The following ACSS3 variants were observed in gnomAD, a reference collection of about 807,000 sequenced individuals.
The protein encoded by ACSS3 is acyl-CoA synthetase short-chain family member 3, mitochondrial.
In ACSS3, 64 loss-of-function variants were observed where a neutral mutation model predicts 84.2. The observed-to-expected ratio is 0.76, with a 90% CI of 0.62 to 0.94. The LOEUF (loss-of-function observed/expected upper bound fraction) is 0.94, where lower values mean the gene tolerates loss of function less well. Among genes scored for constraint, ACSS3 ranks in the 40% least tolerant of loss-of-function variants. The probability of loss-of-function intolerance (pLI) is 0.00; values close to 1 mark genes in which losing one functional copy is unlikely to be tolerated. For missense variants in ACSS3, 815 were observed against 867.6 expected (o/e 0.94, Z 0.76); for synonymous variants, 317 against 310.1 (o/e 1.02, Z -0.23).
intron 1 of ACSS3, among the ~76,000 whole-genome samples, chr12:81,099,206 T>G (rs1046533063): frequency 6.6e-6 from 1 of 152,132 alleles, no homozygotes; most frequent in Non-Finnish European, 1.5e-5. Context: ...TATGTTGGCT[T>G]TGGTTGATTC....
chr12:81,096,606 C>T (rs1317539583), intron 1 of ACSS3, among the ~76,000 whole-genome samples: 8 of 152,220 alleles, frequency 5.3e-5, no homozygotes, highest in African/African-American at 9.6e-5. Context: ...TTTCTCCTAA[C>T]GCTATCCCTC....
intron 9 of ACSS3, among the ~76,000 whole-genome samples, chr12:81,206,464 T>TG (rs2032351687): frequency 6.6e-6 from 1 of 152,142 alleles, no homozygotes; most frequent in Non-Finnish European, 1.5e-5. Context: ...CACAATTTAA[T>TG]GGTCAGAAAT....
chr12:81,238,422 T>C (rs913353494), intron 13 of ACSS3, among the ~76,000 whole-genome samples: 5 of 151,852 alleles, frequency 3.3e-5, no homozygotes, highest in Non-Finnish European at 7.4e-5. Context: ...TTGTAGATAA[T>C]TGGTCTAATT....
rs753775096 is a variant in ACSS3, at chr12:81,078,239, C to T, written c.119C>T (p.Pro40Leu). The T allele has an allele frequency of 1.9e-6, 3 of 1,604,108 alleles. No individual in the cohort carries two copies. Among genetic ancestry groups the T allele is most frequent in the South Asian group, 2.2e-5 (2 of 90,358 alleles). ...GCGGCCCTCAGGGCTTTAGTGGTCC[C>T]GGGCCCGCGGGGCGGTCTCGGGGGC... ...AGAALRALVVPGPRGGLGGRG... is the reference protein window; with the variant it reads ...AGAALRALVVLGPRGGLGGRG... Residue 40 changes from proline to leucine, a missense_variant, in exon 1 of 16, where the codon CCG becomes CTG. Coordinates refer to ENST00000548058, the MANE Select transcript of ACSS3 (RefSeq NM_024560.4).
chr12:81,218,413 G>C (rs924590010), intron 10 of ACSS3, among the ~76,000 whole-genome samples: 2 of 152,068 alleles, frequency 1.3e-5, no homozygotes, highest in Admixed American at 6.6e-5. Context: ...TTTGACTTTT[G>C]CTTCTCTAAC....
intron 9 of ACSS3, among the ~76,000 whole-genome samples, chr12:81,200,617 C>T (rs761358488): frequency 2.6e-5 from 4 of 151,978 alleles, no homozygotes; most frequent in Non-Finnish European, 5.9e-5. Flanking sequence ...TGACTGGGCA[C>T]GGTGGCTCAC....
intron 2 of ACSS3, among the ~76,000 whole-genome samples, chr12:81,111,826 A>G (rs2121514279): frequency 6.6e-6 from 1 of 152,330 alleles, no homozygotes; most frequent in East Asian, 1.9e-4. Context: ...ATTTAATAGT[A>G]GGAACTGGGG....
intron 5 of ACSS3, 33 bp from the exon 6 acceptor site, chr12:81,151,811 T>C: frequency 6.3e-7 from 1 of 1,586,970 alleles, no homozygotes; most frequent in Non-Finnish European, 8.6e-7. Flanking sequence ...ACACATTGTT[T>C]ATTGATTTTA....
chr12:81,133,075 A>T (rs1885605231), intron 2 of ACSS3, among the ~76,000 whole-genome samples: 1 of 151,606 alleles, frequency 6.6e-6, no homozygotes, highest in African/African-American at 2.4e-5. Flanking sequence ...GCACTCAATT[A>T]TAGAGTTTGC....
At chr12:81,118,979 C>T (rs5027920) in intron 2 of ACSS3, among the ~76,000 whole-genome samples, 80,580 of 152,006 alleles carry the variant, frequency 0.53, 21,760 homozygotes, top group East Asian at 0.68. Context: ...GAAGGCTTCA[C>T]TATTGGGGGA....
intron 1 of ACSS3, among the ~76,000 whole-genome samples, chr12:81,100,752 T>C (rs981261567): frequency 1.3e-5 from 2 of 152,194 alleles, no homozygotes; most frequent in African/African-American, 4.8e-5. Context: ...CACTCAGAGA[T>C]ATAGGCTGAC....
chr12:81,108,247 C>CTATTATTATTATTAT, intron 1 of ACSS3, among the ~76,000 whole-genome samples: 1 of 140,990 alleles, frequency 7.1e-6, no homozygotes, highest in South Asian at 2.4e-4. Context: ...CTTTCTGTGG[C>CTATTATTATTATTAT]TATTATTATT....
chr12:81,248,326 G>T (rs1364611301), intron 13 of ACSS3, among the ~76,000 whole-genome samples: 1 of 152,024 alleles, frequency 6.6e-6, no homozygotes, highest in Non-Finnish European at 1.5e-5. Flanking sequence ...ACAGATGAAT[G>T]AAGAAATAAA....
At chr12:81,086,035 G>A (rs1356427355) in intron 1 of ACSS3, among the ~76,000 whole-genome samples, 1 of 152,128 alleles carries the variant, frequency 6.6e-6, no homozygotes, top group African/African-American at 2.4e-5. Flanking sequence ...TATCCAGAAA[G>A]CAATTTAATC....
chr12:81,095,142 G>A (rs1232562116), intron 1 of ACSS3, among the ~76,000 whole-genome samples: 2 of 152,252 alleles, frequency 1.3e-5, no homozygotes, highest in Non-Finnish European at 1.5e-5. Flanking sequence ...GGCCCTGGGG[G>A]CATTCTGGAT....
chr12:81,231,231 C>T (rs1281593357), intron 12 of ACSS3, 93 bp downstream of exon 12: 3 of 1,054,996 alleles, frequency 2.8e-6, no homozygotes, highest in Non-Finnish European at 4.1e-6. Context: ...AATCGTAGAT[C>T]AAAAAGAAAC....
At chr12:81,245,328 G>C (rs1410859759) in intron 13 of ACSS3, among the ~76,000 whole-genome samples, 1 of 152,184 alleles carries the variant, frequency 6.6e-6, no homozygotes, top group African/African-American at 2.4e-5. Flanking sequence ...CAGGCGTGGT[G>C]GTGGGCGACT....
intron 12 of ACSS3, 115 bp downstream of exon 12, chr12:81,231,253 A>G: frequency 1.3e-6 from 1 of 799,854 alleles, no homozygotes; most frequent in Non-Finnish European, 1.9e-6. Context: ...TTTAAAGGTT[A>G]TCTGGACCAG....
intron 11 of ACSS3, among the ~76,000 whole-genome samples, chr12:81,230,497 G>C (rs950653300): frequency 6.6e-6 from 1 of 151,782 alleles, no homozygotes; most frequent in African/African-American, 2.4e-5. Flanking sequence ...TGTGTTTATA[G>C]AAGTGAGAAA....
Sources: gnomAD v4.1 joint callset for allele counts (sites outside exome capture counted in the v4.1 genomes callset) on GRCh38, gnomAD v4.1.1 for gene constraint, MANE v1.5 for transcripts, NCBI Gene and HGNC (gene_info 2026-07-23, HGNC 2026-07-21) for gene names.